The following LGSN variants were observed in gnomAD, a reference collection of about 807,000 sequenced individuals.
The protein encoded by LGSN is lengsin, lens protein with glutamine synthetase domain.
Under a neutral mutation model 19.5 loss-of-function variants are expected in LGSN, and 21 were observed. The observed-to-expected ratio is 1.07, with a 90% CI of 0.76 to 1.55. The LOEUF (loss-of-function observed/expected upper bound fraction) is 1.55, where lower values mean the gene tolerates loss of function less well. Among genes scored for constraint, LGSN ranks in the 40% most tolerant of loss-of-function variants. The pLI is 0.00. For synonymous variants in LGSN, 257 were observed against 215.6 expected (o/e 1.19, Z -1.68); for missense variants, 673 against 608.5 (o/e 1.11, Z -1.12).
intron 3 of LGSN, among the ~76,000 whole-genome samples, chr6:63,282,047 A>G (rs540425758): frequency 3.1e-4 from 47 of 152,320 alleles, no homozygotes; most frequent in African/African-American, 1.1e-3. Flanking sequence ...CAAGTGTTAG[A>G]CTAGATGACT....
At chr6:63,494,999 A>G in the LGSN span, among the ~76,000 whole-genome samples, 1 of 152,192 alleles carries the variant, frequency 6.6e-6, no homozygotes, top group African/African-American at 2.4e-5. Context: ...CATGCATTTT[A>G]TGCCTTTGAG....
At chr6:63,353,801 T>C in the LGSN span, among the ~76,000 whole-genome samples, 1 of 151,972 alleles carries the variant, frequency 6.6e-6, no homozygotes, top group Non-Finnish European at 1.5e-5. Context: ...AACTGACACA[T>C]AGACCAATGA....
the LGSN span, chr6:63,395,338 A>C: frequency 1.3e-5 from 2 of 152,222 alleles, no homozygotes; most frequent in Admixed American, 1.3e-4. Context: ...ATGCAGAGGA[A>C]CTGCAAGGTT....
chr6:63,288,274 AAT>A (rs2127384889), intron 2 of LGSN, among the ~76,000 whole-genome samples: 2 of 139,968 alleles, frequency 1.4e-5, no homozygotes, highest in Admixed American at 7.1e-5. Flanking sequence ...AATAAATAAT[AAT>A]AATATTCATT....
chr6:63,526,247 C>A, the LGSN span, among the ~76,000 whole-genome samples: 1 of 152,090 alleles, frequency 6.6e-6, no homozygotes, highest in East Asian at 1.9e-4. Flanking sequence ...ATCACTTGAA[C>A]CAGGGAGGCG....
chr6:63,327,394 A>G, the LGSN span, among the ~76,000 whole-genome samples: 1 of 152,328 alleles, frequency 6.6e-6, no homozygotes, highest in East Asian at 1.9e-4. Flanking sequence ...AGAATTTGAA[A>G]GGTGTTGTCT....
the LGSN span, among the ~76,000 whole-genome samples, chr6:63,485,272 T>A: frequency 1.3e-5 from 2 of 152,178 alleles, no homozygotes; most frequent in Non-Finnish European, 2.9e-5. Flanking sequence ...CACTTACAAG[T>A]GAGAACATGT....
chr6:63,513,713 C>A, the LGSN span, among the ~76,000 whole-genome samples: 1 of 151,800 alleles, frequency 6.6e-6, no homozygotes, highest in Non-Finnish European at 1.5e-5. Flanking sequence ...GAATTGGAGA[C>A]CAGCCTGACC....
the LGSN span, among the ~76,000 whole-genome samples, chr6:63,383,559 T>C: frequency 6.6e-6 from 1 of 151,986 alleles, no homozygotes; most frequent in South Asian, 2.1e-4. Context: ...ATAGTGCAAA[T>C]TATGCCCTCA....
chr6:63,549,764 T>C, the LGSN span, among the ~76,000 whole-genome samples: 2 of 151,900 alleles, frequency 1.3e-5, no homozygotes, highest in Admixed American at 6.6e-5. Context: ...AAAAAGTTGA[T>C]CTTATAGAAG....
the LGSN span, among the ~76,000 whole-genome samples, chr6:63,422,975 A>G: frequency 6.6e-6 from 1 of 152,216 alleles, no homozygotes; most frequent in Non-Finnish European, 1.5e-5. Flanking sequence ...ATAAGAATAA[A>G]TAGTTTGAAA....
chr6:63,409,692 C>G, the LGSN span, among the ~76,000 whole-genome samples: 1 of 152,126 alleles, frequency 6.6e-6, no homozygotes, highest in Admixed American at 6.6e-5. Context: ...TTTATACAAA[C>G]AGACTTTTTT....
At chr6:63,353,881 A>C in the LGSN span, among the ~76,000 whole-genome samples, 10 of 152,192 alleles carry the variant, frequency 6.6e-5, no homozygotes, top group Non-Finnish European at 1.5e-4. Flanking sequence ...GTTGCCAAGA[A>C]TATACATTGG....
At chr6:63,568,627 G>A in the LGSN span, among the ~76,000 whole-genome samples, 6 of 150,148 alleles carry the variant, frequency 4.0e-5, no homozygotes, top group African/African-American at 1.2e-4. Flanking sequence ...AGACTTGCTC[G>A]ACAAAAAGCT....
chr6:63,505,565 A>AAAAAG, the LGSN span, among the ~76,000 whole-genome samples: 3 of 58,674 alleles, frequency 5.1e-5, no homozygotes, highest in African/African-American at 8.8e-5. Flanking sequence ...AAAAAAAAAA[A>AAAAAG]AAAGAAAGAA....
At chr6:63,281,331 A>ATAT (rs35210619) in intron 3 of LGSN, 111 bp from the exon 4 acceptor site, 37 of 140,634 alleles carry the variant, frequency 2.6e-4, no homozygotes, top group Non-Finnish European at 3.7e-4. Flanking sequence ...ATATATATAT[A>ATAT]ATAAATATAT....
the LGSN span, among the ~76,000 whole-genome samples, chr6:63,342,650 A>G: frequency 6.6e-6 from 1 of 152,254 alleles, no homozygotes; most frequent in Non-Finnish European, 1.5e-5. Context: ...TGTGATTCAT[A>G]AGATCTCACT....
At chr6:63,295,199 A>G (rs1582032443) in intron 1 of LGSN, among the ~76,000 whole-genome samples, 154 bp from the exon 2 acceptor site, 1 of 152,220 alleles carries the variant, frequency 6.6e-6, no homozygotes, top group Admixed American at 6.5e-5. Context: ...ACTCACCTGA[A>G]TAACTCACAA....
In LGSN at chr6:63,279,906, A is replaced by T. The variant is rs991364950; in HGVS notation, c.*115T>A. 1.2e-5 allele frequency: 12 copies of T among 1,017,278 alleles called. No individual in the cohort carries two copies. The highest frequency in any genetic ancestry group is 1.7e-5 in the Non-Finnish European group (12 of 690,178). 63.0% of individuals were successfully genotyped at this position (1,017,278 alleles called of 1,614,324 possible). A position where few individuals can be genotyped will look rare whatever the true frequency, so the allele number is the denominator to read the frequency against. On this transcript the variant is annotated 3_prime_UTR_variant, in exon 4 of 4. Coordinates refer to ENST00000370657, the MANE Select transcript of LGSN (RefSeq NM_016571.3). ...ATGGACAAAAAAAAAAGTCAAAAGC[A>T]TTCGTAATCTTGTTATTGTTGCTGT...
Sources: allele counts gnomAD v4.1 joint callset (sites outside exome capture counted in the v4.1 genomes callset), GRCh38; gene constraint gnomAD v4.1.1; transcripts MANE v1.5; gene names NCBI Gene and HGNC (gene_info 2026-07-23, HGNC 2026-07-21).